TIAM1: variants seen among roughly 807,000 people sequenced by gnomAD.
The protein encoded by TIAM1 is rho guanine nucleotide exchange factor TIAM1.
Under a neutral mutation model 163.5 loss-of-function variants are expected in TIAM1, and 65 were observed. The observed-to-expected ratio is 0.40, with a 90% confidence interval of 0.33 to 0.49. TIAM1 has a LOEUF of 0.49. Among genes scored for constraint, TIAM1 ranks in the 20% least tolerant of loss-of-function variants. The pLI is 0.77. For missense variants in TIAM1, 1,789 were observed against 2,044.7 expected (o/e 0.87, Z 2.41); for synonymous variants, 833 against 810.1 (o/e 1.03, Z -0.48).
chr21:31,524,680 G>A (rs763844054), intron 1 of TIAM1, among the ~76,000 whole-genome samples: 1 of 152,168 alleles, frequency 6.6e-6, no homozygotes, highest in African/African-American at 2.4e-5. Flanking sequence ...CAAAAGAGCT[G>A]AAGTGTATTG....
chr21:31,416,007 T>C (rs141560432), intron 2 of TIAM1, among the ~76,000 whole-genome samples: 3 of 152,314 alleles, frequency 2.0e-5, no homozygotes, highest in East Asian at 3.9e-4. Context: ...AGGCAGGACA[T>C]AGATTTCATT....
chr21:31,314,797 G>A (rs1405126339), intron 2 of TIAM1, among the ~76,000 whole-genome samples: 1 of 152,078 alleles, frequency 6.6e-6, no homozygotes, highest in African/African-American at 2.4e-5. Context: ...TAATTTCAGC[G>A]CTTCTGCATA....
At chr21:31,489,515 GAA>G (rs1491360069) in intron 1 of TIAM1, among the ~76,000 whole-genome samples, 1 of 105,332 alleles carries the variant, frequency 9.5e-6, no homozygotes, top group Non-Finnish European at 1.9e-5. Context: ...GACAGGGAGG[GAA>G]GGAAGGGAGG....
At chr21:31,283,349 C>T (rs1156467023) in intron 2 of TIAM1, among the ~76,000 whole-genome samples, 1 of 152,182 alleles carries the variant, frequency 6.6e-6, no homozygotes, top group Non-Finnish European at 1.5e-5. Context: ...GGCTGTGTTA[C>T]ATGGCCAGTG....
At chr21:31,547,936 A>G (rs984745511) in intron 1 of TIAM1, among the ~76,000 whole-genome samples, 14 of 152,164 alleles carry the variant, frequency 9.2e-5, no homozygotes, top group African/African-American at 2.9e-4. Flanking sequence ...AGCCCAAAAC[A>G]CCTGAAATTA....
intron 3 of TIAM1, among the ~76,000 whole-genome samples, chr21:31,269,429 C>T (rs569220803): frequency 6.6e-6 from 1 of 152,314 alleles, no homozygotes; most frequent in African/African-American, 2.4e-5. Flanking sequence ...AAGTTTGAAG[C>T]AACTGAAGTT....
At chr21:31,207,963 C>G (rs2146541615) in intron 11 of TIAM1, among the ~76,000 whole-genome samples, 1 of 152,294 alleles carries the variant, frequency 6.6e-6, no homozygotes, top group African/African-American at 2.4e-5. Context: ...GGAAAAAGAC[C>G]TGAAGGCCCA....
intron 15 of TIAM1, among the ~76,000 whole-genome samples, chr21:31,165,693 ATT>A (rs1483253064): frequency 1.3e-5 from 2 of 151,482 alleles, no homozygotes; most frequent in East Asian, 1.9e-4. Flanking sequence ...GAATATATAT[ATT>A]ATATACTAAA....
chr21:31,377,979 A>T (rs1053687268), intron 2 of TIAM1, among the ~76,000 whole-genome samples: 2 of 152,004 alleles, frequency 1.3e-5, no homozygotes, highest in African/African-American at 4.8e-5. Context: ...TCTACTAAAA[A>T]TACAAAATTA....
At chr21:31,511,066 A>G (rs1234401072) in intron 1 of TIAM1, among the ~76,000 whole-genome samples, 2 of 152,210 alleles carry the variant, frequency 1.3e-5, no homozygotes, top group South Asian at 2.1e-4. Flanking sequence ...GGGAAGCACC[A>G]TAAGTTAGGA....
intron 2 of TIAM1, among the ~76,000 whole-genome samples, chr21:31,457,795 C>T (rs545789868): frequency 6.6e-6 from 1 of 152,288 alleles, no homozygotes; most frequent in Admixed American, 6.5e-5. Context: ...TGTGTCCCCC[C>T]ACCTCCTGCC....
chr21:31,337,512 A>ATTG lies in TIAM1; in HGVS notation c.-189+1728_-189+1730dup, dbSNP rs1251943067. On this transcript the variant is annotated intron_variant, in intron 2 of 27. Transcript: ENST00000541036. ...AATAATTGTTGTTTTTATTATTATT[A>ATTG]TTGTTGTTATTATTATTATTATTAT... is the stretch of plus-strand genomic sequence containing the variant. Among the ~76,000 whole-genome samples the ATTG allele has an allele frequency of 5.6e-3, 737 of 131,632 alleles. 2 individuals carry two copies. Among genetic ancestry groups the ATTG allele is most frequent in the Middle Eastern group, 0.026 (6 of 232 alleles). The allele number at this position is 131,632 out of a possible 152,430, so 86.4% of individuals were successfully genotyped here. A position where few individuals can be genotyped will look rare whatever the true frequency, so the allele number is the denominator to read the frequency against.
chr21:31,471,109 C>A (rs1396982966), intron 1 of TIAM1, among the ~76,000 whole-genome samples: 1 of 152,206 alleles, frequency 6.6e-6, no homozygotes, highest in Non-Finnish European at 1.5e-5. Flanking sequence ...CTCCGGGCTG[C>A]TGAGAGTCTC....
At chr21:31,442,524 C>T (rs1473198915) in intron 2 of TIAM1, among the ~76,000 whole-genome samples, 3 of 152,172 alleles carry the variant, frequency 2.0e-5, no homozygotes, top group Non-Finnish European at 4.4e-5. Context: ...TGAGCTACCA[C>T]GCCCAGCCGG....
chr21:31,547,800 T>C (rs765971615), intron 1 of TIAM1, among the ~76,000 whole-genome samples: 21 of 152,164 alleles, frequency 1.4e-4, no homozygotes, highest in Non-Finnish European at 1.5e-5. Flanking sequence ...AGGAGTAATT[T>C]TGTAATAATC....
chr21:31,228,220 TAAAA>T (rs71191197), intron 6 of TIAM1, among the ~76,000 whole-genome samples: 488 of 16,100 alleles, frequency 0.03, 15 homozygotes, highest in East Asian at 0.063. Context: ...CTCCTTTTTT[TAAAA>T]AAAAAAAAAA....
chr21:31,425,238 G>A (rs1265134607), intron 2 of TIAM1, among the ~76,000 whole-genome samples: 2 of 152,100 alleles, frequency 1.3e-5, no homozygotes, highest in Admixed American at 6.6e-5. Flanking sequence ...AAGGAAAGCA[G>A]GCTGCTTGCT....
At chr21:31,226,002 G>C (rs765250895) in intron 6 of TIAM1, 52 bp from the exon 7 acceptor site, 1 of 1,536,722 alleles carries the variant, frequency 6.5e-7, no homozygotes. Flanking sequence ...AGGAACTTAA[G>C]AGAAATGAAC....
rs76968613 is a variant in TIAM1 at position 31,498,211 on chromosome 21, G to A, written c.-421-34176C>T. Among the ~76,000 whole-genome samples, 494 of 152,350 alleles carry A rather than the reference G, an allele frequency of 3.2e-3. 3 individuals carry two copies. Among genetic ancestry groups the A allele is most frequent in the African/African-American group, 0.011 (475 of 41,582 alleles). ...GAAGGAAAGAGATTCTTGGATCTAC[G>A]CAAGAGCTTTCCAAGATGATCACAG... On this transcript the variant is annotated intron_variant, in intron 1 of 28. Transcript: ENST00000286827.
Sources: gnomAD v4.1 joint callset for allele counts (sites outside exome capture counted in the v4.1 genomes callset) on GRCh38, gnomAD v4.1.1 for gene constraint, MANE v1.5 for transcripts, NCBI Gene and HGNC (gene_info 2026-07-23, HGNC 2026-07-21) for gene names.